The following EFCAB12 variants were observed in gnomAD, a reference collection of about 807,000 sequenced individuals.
EFCAB12 encodes the protein EF-hand calcium-binding domain-containing protein 12.
Under a neutral mutation model 53.6 loss-of-function variants are expected in EFCAB12, and 43 were observed. That is an observed-to-expected ratio of 0.80 (90% CI 0.63 to 1.03). The LOEUF is 1.03. EFCAB12 is among the 50% of genes least tolerant of loss of function. The pLI is 0.00. For missense variants in EFCAB12, 646 were observed against 730.6 expected (o/e 0.88, Z 1.34); for synonymous variants, 269 against 289.2 (o/e 0.93, Z 0.71).
chr3:129,405,965 T>TA (rs922727568), intron 6 of EFCAB12, among the ~76,000 whole-genome samples: 1 of 151,454 alleles, frequency 6.6e-6, no homozygotes, highest in African/African-American at 2.4e-5. Context: ...GTAATCCCAG[T>TA]ACTTTGGGAA....
At chr3:129,423,491 G>C (rs2072214423) in intron 1 of EFCAB12, among the ~76,000 whole-genome samples, 1 of 152,108 alleles carries the variant, frequency 6.6e-6, no homozygotes, top group Non-Finnish European at 1.5e-5. Context: ...AGCCGGGCAT[G>C]GTGGTGCACG....
Position 129,421,794 on chromosome 3 carries a change from G to C in EFCAB12, c.59C>G (p.Pro20Arg). Residue 20 changes from proline to arginine, a missense_variant, in exon 2 of 9, where the codon CCG (proline) becomes CGG (arginine). Pro to Arg is a moderately radical substitution (Grantham distance 103). Coordinates refer to ENST00000505956, the MANE Select transcript of EFCAB12 (RefSeq NM_207307.3). Reference sequence around the variant, plus strand: ...ATTTTCATTGATGGGAGTCTTAGACGGGCAGAGTCCTTGGGGTAAGAGAGT... The same window carrying C: ...ATTTTCATTGATGGGAGTCTTAGACCGGCAGAGTCCTTGGGGTAAGAGAGT... The part of the protein sequence containing the change: ...SLFLSLLGLC[P>R]SKTPINENAP... 6.2e-7 allele frequency: 1 copy of C among 1,611,464 alleles called. No homozygotes were observed. The highest frequency in any genetic ancestry group is 8.5e-7 in the Non-Finnish European group (1 of 1,178,368).
At chr3:129,404,483 TG>T (rs375859531) in intron 6 of EFCAB12, 80 bp from the exon 7 acceptor site, 9 of 1,332,018 alleles carry the variant, frequency 6.8e-6, no homozygotes, top group South Asian at 6.5e-5. Flanking sequence ...TCAGAGGAGG[TG>T]TTTTTTTTTT....
At chr3:129,411,542 T>C in intron 4 of EFCAB12, 188 bp from the exon 5 acceptor site, 1 of 532,416 alleles carries the variant, frequency 1.9e-6, no homozygotes, top group Non-Finnish European at 3.2e-6. Flanking sequence ...CCTCTCCATC[T>C]CCACTAATGG....
intron 6 of EFCAB12, among the ~76,000 whole-genome samples, chr3:129,407,150 G>T (rs1170594669): frequency 1.3e-5 from 2 of 152,232 alleles, no homozygotes; most frequent in Non-Finnish European, 2.9e-5. Flanking sequence ...CAACAGGTGT[G>T]CATGTGCAGA....
At chr3:129,418,472 C>T (rs1486676213) in intron 2 of EFCAB12, 24 bp from the exon 3 acceptor site, 1 of 1,574,090 alleles carries the variant, frequency 6.4e-7, no homozygotes, top group Non-Finnish European at 8.6e-7. Context: ...GAGGGTAGGG[C>T]AGAGGAGAGA....
intron 2 of EFCAB12, among the ~76,000 whole-genome samples, chr3:129,419,841 G>A (rs868183989): frequency 6.6e-6 from 1 of 152,222 alleles, no homozygotes; most frequent in East Asian, 1.9e-4. Context: ...AAGTAAGACC[G>A]TGTCTTATTT....
intron 6 of EFCAB12, among the ~76,000 whole-genome samples, chr3:129,407,512 C>A (rs1271115797): frequency 6.6e-6 from 1 of 152,200 alleles, no homozygotes; most frequent in Non-Finnish European, 1.5e-5. Context: ...CCCAGTATGG[C>A]CAAAGTTCCT....
intron 6 of EFCAB12, among the ~76,000 whole-genome samples, chr3:129,407,893 G>A (rs1370421651): frequency 6.6e-6 from 1 of 152,178 alleles, no homozygotes; most frequent in African/African-American, 2.4e-5. Context: ...TAGCCTGGGC[G>A]ACAGAGTGAG....
chr3:129,405,267 T>A (rs992526445), intron 6 of EFCAB12, among the ~76,000 whole-genome samples: 2 of 152,162 alleles, frequency 1.3e-5, no homozygotes, highest in African/African-American at 4.8e-5. Flanking sequence ...TGTCTTAAGC[T>A]GGTAACACAT....
intron 1 of EFCAB12, among the ~76,000 whole-genome samples, chr3:129,427,358 G>A (rs942874231): frequency 2.3e-5 from 3 of 130,428 alleles, no homozygotes; most frequent in African/African-American, 1.2e-4. Flanking sequence ...CCCACTAACT[G>A]GGTCCTCTGA....
chr3:129,411,510 G>A (rs1298935312), intron 4 of EFCAB12, 156 bp from the exon 5 acceptor site: 6 of 663,172 alleles, frequency 9.0e-6, no homozygotes, highest in African/African-American at 1.9e-5. Flanking sequence ...AGCCACCTAA[G>A]CTGTACCTTA....
intron 1 of EFCAB12, among the ~76,000 whole-genome samples, chr3:129,422,465 C>T (rs985308618): frequency 6.6e-6 from 1 of 152,138 alleles, no homozygotes; most frequent in Non-Finnish European, 1.5e-5. Context: ...GCTTCTCTTC[C>T]CTTACTATGT....
At chr3:129,408,365 T>C (rs2071980657) in intron 6 of EFCAB12, among the ~76,000 whole-genome samples, 1 of 152,224 alleles carries the variant, frequency 6.6e-6, no homozygotes, top group African/African-American at 2.4e-5. Context: ...TAGAATGAGC[T>C]TTTGGTTCAC....
chr3:129,411,528 C>A, intron 4 of EFCAB12, 174 bp from the exon 5 acceptor site: 1 of 560,272 alleles, frequency 1.8e-6, no homozygotes, highest in Non-Finnish European at 3.0e-6. Context: ...TTAGATGTGG[C>A]CCTCCTCTCC....
intron 5 of EFCAB12, 138 bp downstream of exon 5, chr3:129,411,020 C>A (rs889859637): frequency 1.2e-6 from 1 of 830,600 alleles, no homozygotes; most frequent in Admixed American, 3.0e-5. Context: ...AGATGAGGGA[C>A]GTGAAGAAGG....
intron 2 of EFCAB12, among the ~76,000 whole-genome samples, 154 bp downstream of exon 2, chr3:129,421,213 T>C (rs954512482): frequency 6.6e-6 from 1 of 152,254 alleles, no homozygotes; most frequent in African/African-American, 2.4e-5. Flanking sequence ...CAGCAATAGA[T>C]AACTAGACAA....
In EFCAB12 at chr3:129,428,606, CGCTCA is replaced by C; in HGVS notation, c.-123_-119del. The C allele has an allele frequency of 7.6e-7, 1 of 1,310,018 alleles. No homozygotes were observed. The highest frequency in any genetic ancestry group is 1.1e-6 in the Non-Finnish European group (1 of 952,302). The allele number at this position is 1,310,018 out of a possible 1,614,324, so 81.1% of individuals were successfully genotyped here. On this transcript the variant is annotated 5_prime_UTR_variant, in exon 1 of 9. Transcript: ENST00000505956. ...CCGTAACTCCAAGTCGTGCGAAAGG[CGCTCA>C]GCTCAGACTGCAGAAGCAACCTGTT...
chr3:129,416,709 G>T (rs1479840885), intron 3 of EFCAB12, among the ~76,000 whole-genome samples: 1 of 152,144 alleles, frequency 6.6e-6, no homozygotes, highest in Non-Finnish European at 1.5e-5. Context: ...GAGTGTAGTG[G>T]TGTGATCATA....
Sources: allele counts gnomAD v4.1 joint callset (sites outside exome capture counted in the v4.1 genomes callset), GRCh38; gene constraint gnomAD v4.1.1; transcripts MANE v1.5; gene names NCBI Gene and HGNC (gene_info 2026-07-23, HGNC 2026-07-21).